The following CNGA1 variants were observed in gnomAD, a reference collection of about 807,000 sequenced individuals.
The protein encoded by CNGA1 is cyclic nucleotide-gated channel alpha-1.
A neutral mutation model predicts 69.7 loss-of-function variants in CNGA1; 53 were observed. The observed-to-expected ratio is 0.76, with a 90% CI of 0.61 to 0.96. CNGA1 has a LOEUF of 0.96. Ranked by LOEUF, CNGA1 falls within the 40% of genes least tolerant of loss-of-function variation. The pLI is 0.00. For synonymous variants in CNGA1, 249 were observed against 283.5 expected (o/e 0.88, Z 1.22); for missense variants, 739 against 811.2 (o/e 0.91, Z 1.08).
At position 47,936,388 on chromosome 4, in the gene CNGA1, G is replaced by A; in HGVS notation, c.*33C>T. 1 of 1,597,126 alleles carries A rather than the reference G, an allele frequency of 6.3e-7. No homozygotes were observed. The highest frequency in any genetic ancestry group is 1.1e-5 in the South Asian group (1 of 90,786). On this transcript the variant is annotated 3_prime_UTR_variant, in exon 11 of 11. Transcript: ENST00000514170. ...AGTCATAGGATCAAAAGGATCATGA[G>A]GCATGTCCCTGTTAATGACCAGCTT... is the stretch of plus-strand genomic sequence containing the variant.
chr4:47,995,555 A>T (rs377137465), intron 2 of CNGA1, among the ~76,000 whole-genome samples: 9 of 150,210 alleles, frequency 6.0e-5, no homozygotes, highest in Non-Finnish European at 5.9e-5. Context: ...TTCTTGTATC[A>T]TTTTTTTTTA....
rs1276261054 is a variant in CNGA1 at position 47,943,388 on chromosome 4, C to T, written c.312G>A (p.Lys104=). 1 of 1,513,858 alleles carries T rather than the reference C, an allele frequency of 6.6e-7. No individual in the cohort carries two copies. Among genetic ancestry groups the T allele is most frequent in the Admixed American group, 2.2e-5 (1 of 44,666 alleles). 93.8% of individuals were successfully genotyped at this position (1,513,858 alleles called of 1,614,324 possible). ...AGTCTTACCTCTTCTTTTCTTTTTT[C>T]TTTTTCTTTTTTTCTTCTGGTTCCC... ...KDQEPEEKKK[K]KKEKKSKSDD... Residue 104 remains lysine (K), a synonymous_variant, in exon 7 of 11, where the codon AAG becomes AAA. Coordinates refer to ENST00000514170, the MANE Select transcript of CNGA1 (RefSeq NM_001379270.1).
chr4:48,006,590 A>G (rs1714927844), intron 2 of CNGA1, among the ~76,000 whole-genome samples: 1 of 152,154 alleles, frequency 6.6e-6, no homozygotes, highest in African/African-American at 2.4e-5. Flanking sequence ...GAACCTATTA[A>G]TAATATCTTA....
At chr4:47,990,582 G>A (rs7656980) in intron 2 of CNGA1, among the ~76,000 whole-genome samples, 50,896 of 151,922 alleles carry the variant, frequency 0.34, 10,398 homozygotes, top group Non-Finnish European at 0.45. Flanking sequence ...TTTATTGCCC[G>A]TTGAAGCATG....
chr4:47,993,136 G>A (rs550804826), intron 2 of CNGA1, among the ~76,000 whole-genome samples: 2 of 152,192 alleles, frequency 1.3e-5, no homozygotes, highest in East Asian at 1.9e-4. Context: ...CAGGGATATT[G>A]GTCTGTAGTT....
chr4:47,972,921 A>ACAAATAT (rs1741120755), intron 3 of CNGA1, among the ~76,000 whole-genome samples: 1 of 152,196 alleles, frequency 6.6e-6, no homozygotes, highest in South Asian at 2.1e-4. Context: ...CCATTTCACA[A>ACAAATAT]CAAATATTTG....
chr4:48,007,650 G>A lies in CNGA1; in HGVS notation c.-123+3144C>T, dbSNP rs188574112. Among the ~76,000 whole-genome samples, 408 of 139,164 alleles carry A rather than the reference G, an allele frequency of 2.9e-3. 2 individuals are homozygous for A. The highest frequency in any genetic ancestry group is 0.014 in the Middle Eastern group (4 of 278). 91.3% of individuals were successfully genotyped at this position (139,164 alleles called of 152,430 possible). On this transcript the variant is annotated intron_variant, in intron 2 of 10. Coordinates refer to ENST00000514170, the MANE Select transcript of CNGA1 (RefSeq NM_001379270.1). ...TAAAATCACATACAGAAAGATACAT[G>A]GATGTAATAACCTTAACTTAAAAAA...
At chr4:48,006,114 T>A (rs951298583) in intron 2 of CNGA1, among the ~76,000 whole-genome samples, 11 of 152,176 alleles carry the variant, frequency 7.2e-5, no homozygotes, top group African/African-American at 2.7e-4. Context: ...ATCCATGAAG[T>A]TAATTCCTAT....
At chr4:47,967,830 T>C (rs1440418904) in intron 3 of CNGA1, among the ~76,000 whole-genome samples, 1 of 151,948 alleles carries the variant, frequency 6.6e-6, no homozygotes, top group Non-Finnish European at 1.5e-5. Context: ...TACAAAAAAT[T>C]AGCTGGGTGT....
chr4:47,998,630 TA>T (rs1714509150), intron 2 of CNGA1, among the ~76,000 whole-genome samples: 1 of 151,756 alleles, frequency 6.6e-6, no homozygotes. Context: ...CAAAAAAAAT[TA>T]GCTGGGCAAG....
chr4:47,943,093 T>G (rs1739192304), intron 8 of CNGA1, 88 bp downstream of exon 8: 1 of 919,252 alleles, frequency 1.1e-6, no homozygotes, highest in Non-Finnish European at 1.7e-6. Context: ...CTATAAAGTT[T>G]CTTTCTACTT....
chr4:48,012,569 T>G (rs1238129748), intron 1 of CNGA1, among the ~76,000 whole-genome samples: 1 of 67,914 alleles, frequency 1.5e-5, no homozygotes, highest in Non-Finnish European at 3.6e-5. Flanking sequence ...TTTTTTTTTT[T>G]TTTTTTTTTT....
chr4:47,947,095 C>T (rs943088866), intron 6 of CNGA1, among the ~76,000 whole-genome samples: 5 of 152,096 alleles, frequency 3.3e-5, no homozygotes, highest in African/African-American at 2.4e-5. Context: ...CCTTCAGTAC[C>T]CTTCTTTATG....
chr4:47,971,002 A>G (rs1319631791), intron 3 of CNGA1: 3 of 454,032 alleles, frequency 6.6e-6, no homozygotes, highest in African/African-American at 6.0e-5. Flanking sequence ...CTAAAAATAC[A>G]AAAATTAGCT....
chr4:47,950,692 T>C (rs568562405), intron 5 of CNGA1, among the ~76,000 whole-genome samples: 2 of 152,302 alleles, frequency 1.3e-5, no homozygotes, highest in Admixed American at 6.5e-5. Flanking sequence ...AGAGTAATTA[T>C]GTAAAACAGG....
chr4:47,990,007 G>A (rs1283878008), intron 2 of CNGA1, among the ~76,000 whole-genome samples: 1 of 152,100 alleles, frequency 6.6e-6, no homozygotes, highest in Non-Finnish European at 1.5e-5. Flanking sequence ...ATCTTCATAA[G>A]CTGAGGATGT....
intron 2 of CNGA1, among the ~76,000 whole-genome samples, chr4:47,983,005 T>C (rs1273586319): frequency 6.6e-6 from 1 of 152,136 alleles, no homozygotes; most frequent in Non-Finnish European, 1.5e-5. Flanking sequence ...GGTTTCGCCA[T>C]GTTGGCCAGG....
Position 47,986,745 on chromosome 4 carries a change from A to T in CNGA1, c.-122-5245T>A, listed in dbSNP as rs185929175. ...GCAGGACACAGGCAAACAAAAAAAT[A>T]AAAAAAAGAGAGAGAGAAAGAGAGA... On this transcript the variant is annotated intron_variant, in intron 2 of 10. Transcript: ENST00000514170. Among the ~76,000 whole-genome samples, 636 of 152,102 alleles carry T rather than the reference A, an allele frequency of 4.2e-3. 2 individuals carry two copies. The highest frequency in any genetic ancestry group is 0.014 in the African/African-American group (579 of 41,492).
intron 3 of CNGA1, among the ~76,000 whole-genome samples, chr4:47,962,948 A>G (rs1740535293): frequency 6.6e-6 from 1 of 150,842 alleles, no homozygotes; most frequent in Non-Finnish European, 1.5e-5. Flanking sequence ...ATATGTTTAA[A>G]ACATAATAGC....
Sources: allele counts gnomAD v4.1 joint callset (sites outside exome capture counted in the v4.1 genomes callset), GRCh38; gene constraint gnomAD v4.1.1; transcripts MANE v1.5; gene names NCBI Gene and HGNC (gene_info 2026-07-23, HGNC 2026-07-21).